The following SUCLG2 variants were observed in gnomAD, a reference collection of about 807,000 sequenced individuals.
SUCLG2 encodes succinate--CoA ligase [GDP-forming] subunit beta, mitochondrial.
Under a neutral mutation model 47.9 loss-of-function variants are expected in SUCLG2, and 42 were observed. That is an observed-to-expected ratio of 0.88 (90% CI 0.69 to 1.14). SUCLG2 has a LOEUF of 1.14. SUCLG2 is among the 50% of genes most tolerant of loss of function. SUCLG2 has a pLI of 0.00. For synonymous variants in SUCLG2, 195 were observed against 197.3 expected (o/e 0.99, Z 0.10); for missense variants, 571 against 525.9 (o/e 1.09, Z -0.84).
chr3:67,408,228 C>T (rs1232119242), intron 9 of SUCLG2, among the ~76,000 whole-genome samples: 2 of 152,102 alleles, frequency 1.3e-5, no homozygotes, highest in Non-Finnish European at 2.9e-5. Context: ...ATGCCAGGAT[C>T]CTTGGAATAA....
intron 9 of SUCLG2, among the ~76,000 whole-genome samples, chr3:67,477,992 C>A (rs937339845): frequency 1.3e-5 from 2 of 152,180 alleles, no homozygotes; most frequent in African/African-American, 4.8e-5. Context: ...AACAAACCTA[C>A]GATAGGTACT....
chr3:67,494,120 ACAAAATTTTATG>A (rs1705270921), intron 9 of SUCLG2, among the ~76,000 whole-genome samples: 1 of 152,198 alleles, frequency 6.6e-6, no homozygotes, highest in African/African-American at 2.4e-5. Flanking sequence ...CCAATATAAG[ACAAAATTTTATG>A]CATGCAAAAC....
chr3:67,579,515 G>C (rs1344213802), intron 2 of SUCLG2, among the ~76,000 whole-genome samples: 7 of 152,050 alleles, frequency 4.6e-5, no homozygotes, highest in Non-Finnish European at 2.9e-5. Flanking sequence ...TAAAATCAGG[G>C]GTAAAATTCG....
chr3:67,609,493 T>C lies in SUCLG2; in HGVS notation c.188A>G (p.Asp63Gly), dbSNP rs1559594545. The C allele has an allele frequency of 6.2e-7, 1 of 1,613,458 alleles. No homozygotes were observed. Among genetic ancestry groups the C allele is most frequent in the East Asian group, 2.2e-5 (1 of 44,882 alleles). The change falls in exon 2 of 11, where the codon GAC becomes GGC. Residue 63 changes from aspartate to glycine, a missense_variant. Transcript: ENST00000307227. ...AGCCTCGAGAGCTTCATTTGCAGTG[T>C]CTGCTACAAAGAATCTTTGAACTCT... Reference protein sequence around the residue: ...GVRVQRFFVADTANEALEAAK... With the variant: ...GVRVQRFFVAGTANEALEAAK...
chr3:67,441,363 CT>C (rs1392536547), intron 9 of SUCLG2, among the ~76,000 whole-genome samples: 2 of 147,312 alleles, frequency 1.4e-5, no homozygotes, highest in Non-Finnish European at 3.0e-5. Context: ...TATCTCAGAA[CT>C]TAAAAAAAAA....
chr3:67,637,609 T>C (rs1701031347), intron 1 of SUCLG2, among the ~76,000 whole-genome samples: 1 of 152,156 alleles, frequency 6.6e-6, no homozygotes, highest in Non-Finnish European at 1.5e-5. Context: ...ACTACTAAAT[T>C]AACAAAGAAA....
intron 6 of SUCLG2, among the ~76,000 whole-genome samples, chr3:67,513,084 C>A (rs576653578): frequency 4.0e-5 from 6 of 148,636 alleles, no homozygotes; most frequent in Admixed American, 3.3e-4. Context: ...ACACTAGATA[C>A]CTGTGGAATC....
At chr3:67,519,347 C>A (rs1170943640) in intron 5 of SUCLG2, among the ~76,000 whole-genome samples, 8 of 152,202 alleles carry the variant, frequency 5.3e-5, no homozygotes, top group Admixed American at 5.2e-4. Context: ...AAACAATTAT[C>A]TTACTTGTTT....
rs1708193922 is a variant in SUCLG2, at chr3:67,592,728, AAAAAAAAACAAC to A, written c.226+16715_226+16726del. Among the ~76,000 whole-genome samples the A allele has an allele frequency of 1.6e-5, 2 of 123,920 alleles. 1 individual carries two copies. Among genetic ancestry groups the A allele is most frequent in the Non-Finnish European group, 3.5e-5 (2 of 56,630 alleles). The allele number at this position is 123,920 out of a possible 152,430, so 81.3% of individuals were successfully genotyped here. A position where few individuals can be genotyped will look rare whatever the true frequency, so the allele number is the denominator to read the frequency against. Reference sequence around the variant, plus strand: ...AACTCTCACATCCTCCAAAAAAAAAAAAAAAAAACAACAAAAAAAAACTGAATATCAAAGCCA... The same window carrying A: ...AACTCTCACATCCTCCAAAAAAAAAAAAAAAAAAACTGAATATCAAAGCCA... On this transcript the variant is annotated intron_variant, in intron 2 of 10. Transcript: ENST00000307227.
At chr3:67,389,031 G>T (rs1286986001) in intron 10 of SUCLG2, among the ~76,000 whole-genome samples, 1 of 152,122 alleles carries the variant, frequency 6.6e-6, no homozygotes, top group African/African-American at 2.4e-5. Context: ...ATGTCCTGGA[G>T]AGAGTAATGG....
intron 9 of SUCLG2, among the ~76,000 whole-genome samples, chr3:67,465,672 C>T (rs1704452566): frequency 6.6e-6 from 1 of 152,228 alleles, no homozygotes; most frequent in Admixed American, 6.5e-5. Flanking sequence ...GTCAGACCTG[C>T]ATCATAGTCT....
chr3:67,370,095 A>T (rs760298445), downstream of SUCLG2, among the ~76,000 whole-genome samples: 4 of 152,176 alleles, frequency 2.6e-5, no homozygotes, highest in Non-Finnish European at 5.9e-5. Context: ...ATTTTTTTGA[A>T]ATTCACACGC....
chr3:67,428,924 A>C (rs997548765), intron 9 of SUCLG2, among the ~76,000 whole-genome samples: 1 of 152,210 alleles, frequency 6.6e-6, no homozygotes, highest in Admixed American at 6.5e-5. Context: ...AGAAATGAAC[A>C]AAACCTCCAA....
intron 2 of SUCLG2, among the ~76,000 whole-genome samples, chr3:67,599,571 T>C (rs1171409426): frequency 1.3e-5 from 2 of 152,202 alleles, no homozygotes; most frequent in Admixed American, 1.3e-4. Context: ...GTGCTGCATC[T>C]AGCACCTGAA....
At chr3:67,626,178 G>C (rs1247086068) in intron 1 of SUCLG2, among the ~76,000 whole-genome samples, 6 of 151,884 alleles carry the variant, frequency 4.0e-5, no homozygotes, top group African/African-American at 7.3e-5. Context: ...ATTTTTACTA[G>C]AGACGGGGTT....
intron 8 of SUCLG2, among the ~76,000 whole-genome samples, 166 bp from the exon 9 acceptor site, chr3:67,496,106 G>A (rs773760401): frequency 6.6e-6 from 1 of 152,078 alleles, no homozygotes; most frequent in African/African-American, 2.4e-5. Flanking sequence ...AGACTTTTAG[G>A]ATAAAGAATC....
intron 10 of SUCLG2, among the ~76,000 whole-genome samples, chr3:67,392,081 C>G (rs572008093): frequency 3.3e-5 from 5 of 152,234 alleles, no homozygotes; most frequent in Admixed American, 2.6e-4. Context: ...TTCTTACTCT[C>G]CAGGTCTCCA....
At chr3:67,620,521 G>C (rs552572554) in intron 1 of SUCLG2, among the ~76,000 whole-genome samples, 1 of 138,024 alleles carries the variant, frequency 7.2e-6, no homozygotes, top group South Asian at 2.3e-4. Flanking sequence ...GGAGGCAGAG[G>C]TTGCAGTGAA....
At chr3:67,566,910 C>A (rs1707465390) in intron 2 of SUCLG2, among the ~76,000 whole-genome samples, 1 of 152,280 alleles carries the variant, frequency 6.6e-6, no homozygotes, top group East Asian at 1.9e-4. Context: ...AAAGACTGGG[C>A]ATGGTGGCAC....
Sources: gnomAD v4.1 joint callset for allele counts (sites outside exome capture counted in the v4.1 genomes callset) on GRCh38, gnomAD v4.1.1 for gene constraint, MANE v1.5 for transcripts, NCBI Gene and HGNC (gene_info 2026-07-23, HGNC 2026-07-21) for gene names.